SLC38A9: variants seen among roughly 807,000 people sequenced by gnomAD.
The protein encoded by SLC38A9 is solute carrier family 38 member 9, also known as neutral amino acid transporter 9.
In SLC38A9, 48 loss-of-function variants were observed where a neutral mutation model predicts 62.3. The ratio of observed to expected loss-of-function variants is 0.77; its 90% confidence interval spans 0.61 to 0.98. The LOEUF (loss-of-function observed/expected upper bound fraction) is 0.98. Ranked by LOEUF, SLC38A9 falls within the 50% of genes least tolerant of loss-of-function variation. SLC38A9 has a pLI of 0.00. For synonymous variants in SLC38A9, 204 were observed against 227.7 expected (o/e 0.90, Z 0.94); for missense variants, 541 against 679.8 (o/e 0.80, Z 2.27).
rs1482948774 is a variant in SLC38A9, at chr5:55,697,989, A to AGT, written c.-33_-32dup. 9.3e-7 allele frequency: 1 copy of AGT among 1,080,116 alleles called. No homozygotes were observed. The highest frequency in any genetic ancestry group is 2.2e-5 in the Admixed American group (1 of 44,772). The allele number at this position is 1,080,116 out of a possible 1,614,324, so 66.9% of individuals were successfully genotyped here. ...TCACACTCTAAGCACTGAAGAAGTT[A>AGT]GTCCTACACAAAGAAGATAAATAAT... On this transcript the variant is annotated 5_prime_UTR_variant, in exon 3 of 16. Coordinates refer to ENST00000396865, the MANE Select transcript of SLC38A9 (RefSeq NM_173514.4).
intron 3 of SLC38A9, among the ~76,000 whole-genome samples, chr5:55,677,923 T>G (rs1752352713): frequency 6.7e-5 from 3 of 44,758 alleles, no homozygotes; most frequent in South Asian, 2.1e-3. Flanking sequence ...TTTTTTTTCT[T>G]TATTGTGTGT....
At chr5:55,645,948 A>T in intron 11 of SLC38A9, 53 bp from the exon 12 acceptor site, 1 of 1,182,784 alleles carries the variant, frequency 8.5e-7, no homozygotes. Flanking sequence ...GAAAATGAGT[A>T]TTGGTAGCCA....
At chr5:55,633,631 T>C in intron 14 of SLC38A9, 123 bp downstream of exon 14, 1 of 1,330,790 alleles carries the variant, frequency 7.5e-7, no homozygotes. Context: ...CAATGATCTA[T>C]CTTTAGTCAC....
At chr5:55,694,207 CAAA>C (rs3884110) in intron 3 of SLC38A9, 511 of 171,370 alleles carry the variant, frequency 3.0e-3, no homozygotes, top group South Asian at 0.012. Flanking sequence ...GACCCTGTCT[CAAA>C]AAAAAAAAAA....
At chr5:55,672,744 G>C in intron 3 of SLC38A9, 49 bp from the exon 4 acceptor site, 1 of 1,580,456 alleles carries the variant, frequency 6.3e-7, no homozygotes, top group Non-Finnish European at 8.6e-7. Flanking sequence ...CAAAAATTCT[G>C]GAAGTCAGCC....
intron 3 of SLC38A9, among the ~76,000 whole-genome samples, chr5:55,686,692 T>C (rs1179271684): frequency 2.6e-5 from 4 of 152,232 alleles, no homozygotes; most frequent in Non-Finnish European, 5.9e-5. Flanking sequence ...AATCTTTGCC[T>C]GTGCCTGTGT....
At chr5:55,629,579 T>A (rs1021213083) in intron 14 of SLC38A9, among the ~76,000 whole-genome samples, 1 of 152,318 alleles carries the variant, frequency 6.6e-6, no homozygotes, top group East Asian at 1.9e-4. Flanking sequence ...GAAAAGTACC[T>A]GTGTGGCTGA....
chr5:55,652,588 A>AGC lies in SLC38A9; in HGVS notation c.891_892dup (p.Leu298ArgfsTer21), dbSNP rs1747718335. 6.2e-7 allele frequency: 1 copy of AGC among 1,611,672 alleles called. No homozygotes were observed. The stretch of plus-strand genomic sequence containing the variant: ...CTTGAAATTGAGCAGTGGGAGGAGG[A>AGC]GCCCTACAAGATAAAAGGGGACTGT... On this transcript the variant is annotated frameshift_variant, in exon 10 of 16. Transcript: ENST00000396865. LOFTEE classifies it high-confidence loss of function.
intron 2 of SLC38A9, 21 bp from the exon 3 acceptor site, chr5:55,698,013 A>C: frequency 1.2e-6 from 1 of 816,032 alleles, no homozygotes; most frequent in Non-Finnish European, 2.0e-6. Flanking sequence ...AAGATAAATA[A>C]TTTAGTTTAA....
rs370831324 is a variant in SLC38A9, at chr5:55,635,498, C to T, written c.1281+46G>A. The T allele has an allele frequency of 2.3e-4, 314 of 1,354,806 alleles. 1 individual carries two copies. The highest frequency in any genetic ancestry group is 3.4e-4 in the Admixed American group (20 of 59,376). The allele number at this position is 1,354,806 out of a possible 1,614,324, so 83.9% of individuals were successfully genotyped here. A position where few individuals can be genotyped will look rare whatever the true frequency, so the allele number is the denominator to read the frequency against. Reference sequence around the variant, plus strand: ...TGTATCACCCTACCTACTATAAATACATGAAAGTGTACACAATCACACAGA... The same window carrying T: ...TGTATCACCCTACCTACTATAAATATATGAAAGTGTACACAATCACACAGA... On this transcript the variant is annotated intron_variant, in intron 13 of 15. Transcript: ENST00000396865.
intron 12 of SLC38A9, among the ~76,000 whole-genome samples, chr5:55,640,369 CTAACA>C (rs765640964): frequency 1.4e-4 from 21 of 152,268 alleles, no homozygotes; most frequent in Admixed American, 3.3e-4. Flanking sequence ...TTAGCTGAAC[CTAACA>C]TAATAGTTCT....
At chr5:55,710,067 C>CAAAAAAAAAAAAAAAAAA (rs1174162436) in intron 2 of SLC38A9, among the ~76,000 whole-genome samples, 28 of 20,510 alleles carry the variant, frequency 1.4e-3, no homozygotes, top group East Asian at 2.5e-3. Context: ...GACTCCATCT[C>CAAAAAAAAAAAAAAAAAA]AAAAAAAAAA....
At chr5:55,690,858 G>A (rs893630415) in intron 3 of SLC38A9, among the ~76,000 whole-genome samples, 1 of 152,148 alleles carries the variant, frequency 6.6e-6, no homozygotes, top group Non-Finnish European at 1.5e-5. Flanking sequence ...GTTAGACTGC[G>A]ACCTTATTTA....
chr5:55,681,640 T>C (rs1340216677), intron 3 of SLC38A9, among the ~76,000 whole-genome samples: 4 of 152,028 alleles, frequency 2.6e-5, no homozygotes, highest in Admixed American at 2.6e-4. Context: ...ACTGTGGGGG[T>C]AGACTGAAAT....
At chr5:55,668,374 T>G (rs2150332533) in intron 7 of SLC38A9, among the ~76,000 whole-genome samples, 1 of 152,336 alleles carries the variant, frequency 6.6e-6, no homozygotes, top group East Asian at 1.9e-4. Flanking sequence ...AGAATGAATC[T>G]TCTCTCAAGA....
At chr5:55,671,410 T>C (rs1307573752) in intron 4 of SLC38A9, among the ~76,000 whole-genome samples, 3 of 151,990 alleles carry the variant, frequency 2.0e-5, no homozygotes, top group African/African-American at 7.2e-5. Flanking sequence ...ACATTTAGTA[T>C]CTGGCTCTTT....
At chr5:55,634,375 G>C (rs1744007269) in intron 13 of SLC38A9, 1 of 152,600 alleles carries the variant, frequency 6.6e-6, no homozygotes, top group Non-Finnish European at 1.5e-5. Context: ...AATAAGGTGA[G>C]AGTATGTCTA....
chr5:55,690,457 A>G (rs1193244735), intron 3 of SLC38A9, among the ~76,000 whole-genome samples: 1 of 152,156 alleles, frequency 6.6e-6, no homozygotes, highest in Non-Finnish European at 1.5e-5. Context: ...AGGATGGAGA[A>G]GGGTATAAAA....
intron 14 of SLC38A9, among the ~76,000 whole-genome samples, chr5:55,629,649 A>C (rs1743072858): frequency 6.6e-6 from 1 of 152,204 alleles, no homozygotes; most frequent in African/African-American, 2.4e-5. Flanking sequence ...ATTGCAGTCA[A>C]ACTATGGTCA....
Sources: allele counts gnomAD v4.1 joint callset (sites outside exome capture counted in the v4.1 genomes callset), GRCh38; gene constraint gnomAD v4.1.1; transcripts MANE v1.5; gene names NCBI Gene and HGNC (gene_info 2026-07-23, HGNC 2026-07-21).